The following ITPR2 variants were observed in gnomAD, a reference collection of about 807,000 sequenced individuals.
The protein encoded by ITPR2 is inositol 1,4,5-trisphosphate receptor type 2.
A neutral mutation model predicts 317.1 loss-of-function variants in ITPR2; 207 were observed. The ratio of observed to expected loss-of-function variants is 0.65; its 90% CI spans 0.58 to 0.73. The LOEUF (loss-of-function observed/expected upper bound fraction) is 0.73. Among genes scored for constraint, ITPR2 ranks in the 30% least tolerant of loss-of-function variants. ITPR2 has a pLI of 0.00. For synonymous variants in ITPR2, 1,156 were observed against 1,149.1 expected (o/e 1.01, Z -0.12); for missense variants, 2,613 against 3,284.0 (o/e 0.80, Z 4.99).
At chr12:26,492,461 A>C (rs992995583) in intron 39 of ITPR2, among the ~76,000 whole-genome samples, 1 of 45,944 alleles carries the variant, frequency 2.2e-5, no homozygotes, top group African/African-American at 5.7e-5. Context: ...CCCCCCACCA[A>C]AAAAAAAAAA....
chr12:26,832,668 C>G (rs1462543579), intron 1 of ITPR2, 22 bp downstream of exon 1: 4 of 1,561,520 alleles, frequency 2.6e-6, no homozygotes, highest in Non-Finnish European at 1.7e-6. Context: ...CGAGCGCTGC[C>G]CAGCCCTCGT....
At chr12:26,813,982 C>A (rs1219524781) in intron 1 of ITPR2, among the ~76,000 whole-genome samples, 2 of 152,228 alleles carry the variant, frequency 1.3e-5, no homozygotes, top group Non-Finnish European at 2.9e-5. Context: ...CAGAGCCCTA[C>A]ATGAAGAATG....
At chr12:26,819,859 T>G (rs1249329555) in intron 1 of ITPR2, among the ~76,000 whole-genome samples, 2 of 151,620 alleles carry the variant, frequency 1.3e-5, no homozygotes, top group African/African-American at 4.8e-5. Flanking sequence ...TTGAGGCCAG[T>G]AGGTTGAGAC....
intron 23 of ITPR2, among the ~76,000 whole-genome samples, chr12:26,626,047 G>A (rs1658638594): frequency 6.6e-6 from 1 of 152,046 alleles, no homozygotes; most frequent in African/African-American, 2.4e-5. Flanking sequence ...CTGCAGCGTC[G>A]ACCTTCCAGG....
intron 10 of ITPR2, among the ~76,000 whole-genome samples, chr12:26,692,420 T>C (rs1264648575): frequency 6.6e-6 from 1 of 152,170 alleles, no homozygotes; most frequent in Non-Finnish European, 1.5e-5. Flanking sequence ...AATTCCAATA[T>C]CTAAAACAGA....
intron 49 of ITPR2, 85 bp downstream of exon 49, chr12:26,427,828 A>C (rs1355413353): frequency 2.3e-6 from 2 of 851,070 alleles, no homozygotes; most frequent in Non-Finnish European, 3.2e-6. Context: ...TGCATACATG[A>C]ATTAAAAGCT....
chr12:26,683,636 T>A (rs1266706339), intron 11 of ITPR2, among the ~76,000 whole-genome samples: 1 of 152,212 alleles, frequency 6.6e-6, no homozygotes, highest in Non-Finnish European at 1.5e-5. Flanking sequence ...AACAAAAATG[T>A]TGCGACCAGA....
At chr12:26,680,362 G>A (rs767747393) in intron 13 of ITPR2, among the ~76,000 whole-genome samples, 133 of 152,124 alleles carry the variant, frequency 8.7e-4, no homozygotes, top group Admixed American at 2.1e-3. Context: ...AGACATTTTG[G>A]TGAGTTTTTT....
chr12:26,376,758 T>C (rs1446877137), intron 55 of ITPR2, among the ~76,000 whole-genome samples: 1 of 152,074 alleles, frequency 6.6e-6, no homozygotes. Flanking sequence ...TTTCTTTTTC[T>C]TGACTAAGTC....
At position 26,467,924 on chromosome 12, in the gene ITPR2, T is replaced by C. The variant is rs527695415; in HGVS notation, c.6342+7372A>G. The stretch of plus-strand genomic sequence containing the variant: ...ATACCCAGGCATTTTTTTCCCATTA[T>C]ACTTTTTCTTTGTGGAAAGTTTCTT... On this transcript the variant is annotated intron_variant, in intron 45 of 56. Coordinates refer to ENST00000381340, the MANE Select transcript of ITPR2 (RefSeq NM_002223.4). 5.8e-4 allele frequency among the ~76,000 whole-genome samples: 88 copies of C among 152,186 alleles called. 1 individual carries two copies. Among genetic ancestry groups the C allele is most frequent in the Admixed American group, 2.1e-3 (32 of 15,276 alleles).
At chr12:26,645,119 TCCTAAGAGCTCTC>T (rs1947084173) in intron 21 of ITPR2, among the ~76,000 whole-genome samples, 4 of 152,316 alleles carry the variant, frequency 2.6e-5, no homozygotes, top group Admixed American at 2.6e-4. Flanking sequence ...CTGGTGTTGA[TCCTAAGAGCTCTC>T]CCTAATAAGT....
intron 35 of ITPR2, among the ~76,000 whole-genome samples, chr12:26,557,686 T>A (rs538281205): frequency 7.9e-5 from 12 of 152,248 alleles, no homozygotes; most frequent in African/African-American, 2.9e-4. Flanking sequence ...TTTCTTGCTA[T>A]GTGAAATGAT....
intron 45 of ITPR2, among the ~76,000 whole-genome samples, chr12:26,473,848 C>T (rs1425109120): frequency 6.6e-6 from 1 of 152,188 alleles, no homozygotes; most frequent in Non-Finnish European, 1.5e-5. Flanking sequence ...CCACTTTCTG[C>T]TTCCTTCCAC....
intron 26 of ITPR2, among the ~76,000 whole-genome samples, chr12:26,608,381 T>C (rs186125687): frequency 2.5e-4 from 38 of 152,360 alleles, no homozygotes; most frequent in African/African-American, 9.1e-4. Context: ...ATCAGGAACC[T>C]AGTGAGGAGC....
At chr12:26,492,985 T>C (rs1942846821) in intron 39 of ITPR2, among the ~76,000 whole-genome samples, 1 of 151,838 alleles carries the variant, frequency 6.6e-6, no homozygotes, top group Non-Finnish European at 1.5e-5. Flanking sequence ...CAATGATTAT[T>C]TGTCAATTAA....
At chr12:26,621,767 G>A (rs1215976275) in intron 25 of ITPR2, among the ~76,000 whole-genome samples, 1 of 151,984 alleles carries the variant, frequency 6.6e-6, no homozygotes, top group Non-Finnish European at 1.5e-5. Flanking sequence ...ACATATGTAA[G>A]CACTTACGTA....
At chr12:26,809,678 C>A (rs1319141129) in intron 1 of ITPR2, among the ~76,000 whole-genome samples, 1 of 152,030 alleles carries the variant, frequency 6.6e-6, no homozygotes, top group Non-Finnish European at 1.5e-5. Context: ...AGGGGCTTGG[C>A]GGGGGTTGGG....
chr12:26,387,613 A>G lies in ITPR2; in HGVS notation c.7697-19T>C. ...TCAAGTCCTGAAAAACACAGGCAAC[A>G]CAATATATGTAATTCGTCATTTAAT... On this transcript the variant is annotated intron_variant, in intron 54 of 56. Transcript: ENST00000381340. 1 of 1,609,836 alleles carries G rather than the reference A, an allele frequency of 6.2e-7. No homozygotes were observed. The highest frequency in any genetic ancestry group is 8.5e-7 in the Non-Finnish European group (1 of 1,177,502).
intron 37 of ITPR2, among the ~76,000 whole-genome samples, chr12:26,514,193 T>C (rs1039707384): frequency 1.3e-5 from 2 of 152,146 alleles, no homozygotes; most frequent in African/African-American, 4.8e-5. Context: ...AACTACGATG[T>C]TTTTTTAAAA....
Sources: allele counts gnomAD v4.1 joint callset (sites outside exome capture counted in the v4.1 genomes callset), GRCh38; gene constraint gnomAD v4.1.1; transcripts MANE v1.5; gene names NCBI Gene and HGNC (gene_info 2026-07-23, HGNC 2026-07-21).